Variants in S100A11 observed in about 807,000 individuals in gnomAD.
S100A11 encodes protein S100-A11.
A neutral mutation model predicts 7.4 loss-of-function variants in S100A11; 5 were observed. The ratio of observed to expected loss-of-function variants is 0.68; its 90% CI spans 0.35 to 1.42. The LOEUF is 1.42. S100A11 is among the 40% of genes most tolerant of loss of function. The pLI is 0.04. For missense variants in S100A11, 96 were observed against 125.0 expected, an observed-to-expected ratio of 0.77 and a Z score of 1.11; for synonymous variants, 47 against 46.6, an observed-to-expected ratio of 1.01 and a Z score of -0.04.
chr1:152,035,751 A>G (rs999730830), intron 1 of S100A11, among the ~76,000 whole-genome samples: 5 of 152,232 alleles, frequency 3.3e-5, no homozygotes, highest in Non-Finnish European at 7.3e-5. Context: ...TTGGAGTCTT[A>G]CTTGGTGGGG....
In S100A11 at chr1:152,033,831, C is replaced by A. The variant is rs1379782881; in HGVS notation, c.4-31G>T. Reference sequence around the variant, plus strand: ...GAGAAAAAAAATTGCAGGGCTCAGACAAGGGAAGATGTCAAGGCTGGATAC... The same window carrying A: ...GAGAAAAAAAATTGCAGGGCTCAGAAAAGGGAAGATGTCAAGGCTGGATAC... On this transcript the variant is annotated intron_variant, in intron 1 of 2. Transcript: ENST00000271638. This position sits in a 1 kb window ranked among gnomAD's most constrained non-coding sequence, Gnocchi z 4.0. 1.2e-6 allele frequency: 2 copies of A among 1,606,594 alleles called. No homozygotes were observed. Among genetic ancestry groups the A allele is most frequent in the East Asian group, 4.5e-5 (2 of 44,856 alleles).
chr1:152,034,095 A>G (rs1656789889), intron 1 of S100A11, among the ~76,000 whole-genome samples: 1 of 152,226 alleles, frequency 6.6e-6, no homozygotes, highest in Non-Finnish European at 1.5e-5. Context: ...GACAAGGTTT[A>G]CTCATATTTT....
rs201923457 is a variant in S100A11, at chr1:152,033,695, T to C, written c.109A>G (p.Thr37Ala). Residue 37 changes from threonine (T) to alanine (A), a missense_variant, in exon 2 of 3, where the codon ACA (threonine) becomes GCA (alanine). Physicochemically the swap from Thr to Ala is moderately conservative, Grantham distance 58 (BLOSUM62 0). Coordinates refer to ENST00000271638, the MANE Select transcript of S100A11 (RefSeq NM_005620.2). This position sits in a 1 kb window ranked among gnomAD's most constrained non-coding sequence, Gnocchi z 4.0. ...KDGYNYTLSK[T>A]EFLSFMNTEL... ...GTATTCATGAAGCTTAGGAACTCTGTCTTGGAGAGAGTGTAGTTATAACCA... is the reference window on the plus strand; with the variant it reads ...GTATTCATGAAGCTTAGGAACTCTGCCTTGGAGAGAGTGTAGTTATAACCA... The C allele has an allele frequency of 1.8e-4, 293 of 1,613,878 alleles. 4 individuals are homozygous for C. Among genetic ancestry groups the C allele is most frequent in the East Asian group, 2.2e-5 (1 of 44,868 alleles).
Sources: gnomAD v4.1 joint callset for allele counts (sites outside exome capture counted in the v4.1 genomes callset) on GRCh38, gnomAD v4.1.1 for gene constraint, Gnocchi (gnomAD v3.1) non-coding constraint, MANE v1.5 for transcripts, NCBI Gene and HGNC (gene_info 2026-07-23, HGNC 2026-07-21) for gene names.